Variants in KAT6A observed in about 807,000 individuals in gnomAD.
KAT6A encodes the protein histone acetyltransferase KAT6A.
In KAT6A, 9 loss-of-function variants were observed where a neutral mutation model predicts 198.4. The observed-to-expected ratio is 0.05, with a 90% CI of 0.03 to 0.08. The LOEUF (loss-of-function observed/expected upper bound fraction) is 0.08, where lower values mean the gene tolerates loss of function less well. KAT6A is among the 10% of genes least tolerant of loss of function. The probability of loss-of-function intolerance (pLI) is 1.00; values close to 1 mark genes in which losing one functional copy is unlikely to be tolerated. For missense variants in KAT6A, 2,077 were observed against 2,509.9 expected, an observed-to-expected ratio of 0.83 and a Z score of 3.69; for synonymous variants, 890 against 883.0, an observed-to-expected ratio of 1.01 and a Z score of -0.14.
At chr8:41,950,131 T>C (rs755118868) in intron 9 of KAT6A, among the ~76,000 whole-genome samples, 42 of 152,172 alleles carry the variant, frequency 2.8e-4, no homozygotes, top group Non-Finnish European at 1.3e-4. Flanking sequence ...CACTATAAAT[T>C]AGAGTCAAGA....
chr8:41,960,010 A>G (rs1341631623), intron 8 of KAT6A, among the ~76,000 whole-genome samples: 2 of 152,158 alleles, frequency 1.3e-5, no homozygotes, highest in Non-Finnish European at 2.9e-5. Context: ...GCTAAAATAC[A>G]TATGAACCTT....
chr8:41,986,158 C>T (rs1824590536), intron 3 of KAT6A, among the ~76,000 whole-genome samples: 1 of 152,194 alleles, frequency 6.6e-6, no homozygotes, highest in Admixed American at 6.5e-5. Flanking sequence ...CCAGGATGGT[C>T]TCGATCTCTT....
chr8:41,985,459 A>C (rs991981493), intron 3 of KAT6A, among the ~76,000 whole-genome samples: 4 of 152,222 alleles, frequency 2.6e-5, no homozygotes, highest in African/African-American at 9.7e-5. Context: ...CGAAAGGTAA[A>C]AACAAAGCAA....
chr8:42,013,532 C>G (rs1469569890), intron 2 of KAT6A, among the ~76,000 whole-genome samples: 2 of 152,196 alleles, frequency 1.3e-5, no homozygotes, highest in East Asian at 3.9e-4. Flanking sequence ...CACGCCCGGC[C>G]TTGGCTCTGC....
At chr8:42,039,897 C>T (rs527724639) in intron 2 of KAT6A, among the ~76,000 whole-genome samples, 2 of 124,064 alleles carry the variant, frequency 1.6e-5, no homozygotes, top group East Asian at 4.2e-4. Context: ...CAATGCCTGG[C>T]TAATATTTTT....
chr8:41,934,459 G>A lies in KAT6A; in HGVS notation c.3761C>T (p.Pro1254Leu). Residue 1254 changes from proline (P) to leucine (L), a missense_variant, in exon 17 of 17, where the codon CCA (proline) becomes CTA (leucine). Pro to Leu is a moderately conservative substitution (Grantham distance 98). Coordinates refer to ENST00000265713, the MANE Select transcript of KAT6A (RefSeq NM_006766.5). ...CTCAGGACTATTGCTGCTGTCTGCTGGAGAGGCTGCTGGGACTTCACTGCT... is the reference window on the plus strand; with the variant it reads ...CTCAGGACTATTGCTGCTGTCTGCTAGAGAGGCTGCTGGGACTTCACTGCT... Reference protein sequence around the residue: ...AASSEVPAASPADSSNSPETE... With the variant: ...AASSEVPAASLADSSNSPETE... 6.2e-7 allele frequency: 1 copy of A among 1,607,792 alleles called. No homozygotes were observed.
chr8:41,938,775 G>C (rs935177069), intron 15 of KAT6A, among the ~76,000 whole-genome samples: 3 of 151,882 alleles, frequency 2.0e-5, no homozygotes, highest in African/African-American at 7.3e-5. Context: ...GCGAAACCCT[G>C]TCTCTATCAA....
intron 2 of KAT6A, among the ~76,000 whole-genome samples, chr8:42,012,761 T>C (rs1479440348): frequency 1.3e-5 from 2 of 152,170 alleles, no homozygotes; most frequent in East Asian, 1.9e-4. Context: ...AACCTATATA[T>C]GAATGTTTAT....
intron 2 of KAT6A, among the ~76,000 whole-genome samples, chr8:42,025,502 C>T (rs1002754922): frequency 2.0e-5 from 3 of 152,186 alleles, no homozygotes; most frequent in Non-Finnish European, 4.4e-5. Flanking sequence ...GTGTGAGCCA[C>T]TGCACTTTTG....
rs148680744 is a variant in KAT6A at position 41,981,786 on chromosome 8, C to G, written c.825+53G>C. 1.9e-3 allele frequency: 2,076 copies of G among 1,081,624 alleles called. 29 individuals are homozygous for G. In the African/African-American group the frequency reaches 0.029, roughly 15 times the overall value. 67.0% of individuals were successfully genotyped at this position (1,081,624 alleles called of 1,614,324 possible). On this transcript the variant is annotated intron_variant, in intron 4 of 16. Coordinates refer to ENST00000265713, the MANE Select transcript of KAT6A (RefSeq NM_006766.5). ...GTCATACTTAGATGAAAATGCTGGTCGTACATTCTACTACTAAATGAAACA... is the reference window on the plus strand; with the variant it reads ...GTCATACTTAGATGAAAATGCTGGTGGTACATTCTACTACTAAATGAAACA...
intron 2 of KAT6A, among the ~76,000 whole-genome samples, chr8:42,018,899 G>A (rs773669236): frequency 2.2e-4 from 34 of 152,082 alleles, no homozygotes; most frequent in Non-Finnish European, 1.2e-4. Flanking sequence ...CCAGCCTGGC[G>A]ACAGAGCGAG....
chr8:41,962,052 AC>A (rs1359483036), intron 8 of KAT6A, among the ~76,000 whole-genome samples: 1 of 152,122 alleles, frequency 6.6e-6, no homozygotes, highest in Non-Finnish European at 1.5e-5. Context: ...CTTCCTTCTT[AC>A]AACACATTCT....
chr8:42,045,228 G>A (rs1320172994), intron 2 of KAT6A, among the ~76,000 whole-genome samples: 1 of 152,162 alleles, frequency 6.6e-6, no homozygotes, highest in Non-Finnish European at 1.5e-5. Context: ...TCTACCTGAA[G>A]AAACAAACTC....
chr8:41,957,654 A>C (rs1295990165), intron 8 of KAT6A: 1 of 188,378 alleles, frequency 5.3e-6, no homozygotes, highest in Admixed American at 5.5e-5. Flanking sequence ...GCTAGAATTG[A>C]CCTTTTAATC....
At chr8:41,960,877 A>C (rs998521632) in intron 8 of KAT6A, among the ~76,000 whole-genome samples, 2 of 152,058 alleles carry the variant, frequency 1.3e-5, no homozygotes, top group Admixed American at 1.3e-4. Context: ...CTTTGCATAG[A>C]CCTTTAACTC....
Position 41,941,348 on chromosome 8 carries a change from G to A in KAT6A, c.2533C>T (p.Arg845Cys), listed in dbSNP as rs145797427. ...TGAGGAAGGACTTGTTTGCTCAAAC[G>A]TGTAGAACTGACTGGAGCCATAACT... ...PEVMAPVSSTRLSKQVLPHDS... is the reference protein window; with the variant it reads ...PEVMAPVSSTCLSKQVLPHDS... Residue 845 changes from arginine to cysteine, a missense_variant, in exon 15 of 17, where the codon CGT (arginine) becomes TGT (cysteine). By Grantham distance (180) the Arg-to-Cys change is radical. Around this residue, in one of 13 missense-constraint regions of KAT6A, gnomAD observed 301 missense variants for 272.2 expected, o/e 1.11. Coordinates refer to ENST00000265713, the MANE Select transcript of KAT6A (RefSeq NM_006766.5). 294 of 1,612,268 alleles carry A rather than the reference G, an allele frequency of 1.8e-4. 1 individual carries two copies. In the Middle Eastern group the frequency reaches 2.1e-3, roughly 12 times the overall value.
chr8:42,019,594 T>C (rs1268843509), intron 2 of KAT6A, among the ~76,000 whole-genome samples: 1 of 152,204 alleles, frequency 6.6e-6, no homozygotes, highest in Non-Finnish European at 1.5e-5. Context: ...CTCTGCCAAA[T>C]TCACACGAGT....
At chr8:42,018,434 C>A (rs1358233359) in intron 2 of KAT6A, among the ~76,000 whole-genome samples, 1 of 152,194 alleles carries the variant, frequency 6.6e-6, no homozygotes, top group African/African-American at 2.4e-5. Context: ...ATCGCTTGAA[C>A]CCAGGAGGTG....
At chr8:41,950,669 A>T (rs1436499131) in intron 9 of KAT6A, among the ~76,000 whole-genome samples, 3 of 152,232 alleles carry the variant, frequency 2.0e-5, no homozygotes, top group Non-Finnish European at 2.9e-5. Context: ...TAAAAATGAT[A>T]GAGTAAAAAA....
Sources: gnomAD v4.1 joint callset for allele counts (sites outside exome capture counted in the v4.1 genomes callset) on GRCh38, gnomAD v4.1.1 for gene constraint, gnomAD v4.1.1 regional missense constraint, MANE v1.5 for transcripts, NCBI Gene and HGNC (gene_info 2026-07-23, HGNC 2026-07-21) for gene names.